RIN3: variants seen among roughly 807,000 people sequenced by gnomAD.
The protein encoded by RIN3 is RAB5 interacting protein 3.
In RIN3, 54 loss-of-function variants were observed where a neutral mutation model predicts 76.3. The observed-to-expected ratio is 0.71, with a 90% CI of 0.57 to 0.89. The LOEUF (loss-of-function observed/expected upper bound fraction) is 0.89. RIN3 is among the 40% of genes least tolerant of loss of function. The probability of loss-of-function intolerance (pLI) is 0.00; values close to 1 mark genes in which losing one functional copy is unlikely to be tolerated. For synonymous variants in RIN3, 576 were observed against 564.0 expected, an observed-to-expected ratio of 1.02 and a Z score of -0.30; for missense variants, 1,256 against 1,322.1, an observed-to-expected ratio of 0.95 and a Z score of 0.78.
chr14:92,677,937 AC>A (rs1888526265), intron 8 of RIN3, among the ~76,000 whole-genome samples: 1 of 147,854 alleles, frequency 6.8e-6, no homozygotes. Flanking sequence ...GCATCCATCT[AC>A]TCATCCAACC....
intron 1 of RIN3, among the ~76,000 whole-genome samples, chr14:92,547,870 A>AT (rs1035680163): frequency 6.6e-6 from 1 of 151,800 alleles, no homozygotes; most frequent in African/African-American, 2.4e-5. Context: ...TACCCAGCTA[A>AT]TTTTTTTATT....
In RIN3 at chr14:92,651,985, C is replaced by T. The variant is rs778960335; in HGVS notation, c.936C>T (p.Pro312=). 3 of 1,533,226 alleles carry T rather than the reference C, an allele frequency of 2.0e-6. No individual in the cohort carries two copies. Among genetic ancestry groups the T allele is most frequent in the Admixed American group, 3.6e-5 (2 of 56,106 alleles). 95.0% of individuals were successfully genotyped at this position (1,533,226 alleles called of 1,614,324 possible). The change falls in exon 6 of 10, where the codon CCC becomes CCT. Residue 312 remains proline (P), a synonymous_variant. Coordinates refer to ENST00000216487, the MANE Select transcript of RIN3 (RefSeq NM_024832.5). ...CCCCCGCCCCTGCCTGTCCTTTGCCCACCTCTCCCCCAGTGCCTGCCCCCC... is the reference window on the plus strand; with the variant it reads ...CCCCCGCCCCTGCCTGTCCTTTGCCTACCTCTCCCCCAGTGCCTGCCCCCC... ...ALAPAPACPL[P]TSPPVPAPHV...
chr14:92,609,311 G>A (rs1885637193), intron 3 of RIN3, among the ~76,000 whole-genome samples: 1 of 152,186 alleles, frequency 6.6e-6, no homozygotes, highest in Non-Finnish European at 1.5e-5. Flanking sequence ...TTGAGGGTGA[G>A]TCACTGGTGA....
At position 92,688,335 on chromosome 14, in the gene RIN3, C is replaced by A; in HGVS notation, c.*83C>A. On this transcript the variant is annotated 3_prime_UTR_variant, in exon 10 of 10. Coordinates refer to ENST00000216487, the MANE Select transcript of RIN3 (RefSeq NM_024832.5). The stretch of plus-strand genomic sequence containing the variant: ...TGCGCACTCCCGACCGCGACGTCCA[C>A]GCAGCAGAGGGACATGGGCCATTCC... 7.7e-7 allele frequency: 1 copy of A among 1,303,432 alleles called. No homozygotes were observed. The highest frequency in any genetic ancestry group is 1.0e-6 in the Non-Finnish European group (1 of 974,012). The allele number at this position is 1,303,432 out of a possible 1,614,324, so 80.7% of individuals were successfully genotyped here. A position where few individuals can be genotyped will look rare whatever the true frequency, so the allele number is the denominator to read the frequency against.
chr14:92,648,861 G>T lies in RIN3; in HGVS notation c.533-2721G>T, dbSNP rs555013739. 2.6e-5 allele frequency among the ~76,000 whole-genome samples: 4 copies of T among 152,346 alleles called. No individual in the cohort carries two copies. The East Asian group carries it at 7.7e-4, about 29-fold the overall frequency. ...AGGCGCTACCAGACAGGTCGCATTT[G>T]ACCTGAGCCCTGAAGGATGAGTAAG... is the stretch of plus-strand genomic sequence containing the variant. On this transcript the variant is annotated intron_variant, in intron 5 of 9. Transcript: ENST00000216487. The surrounding 1 kb of genome is among the most constrained non-coding windows in gnomAD (Gnocchi z 4.1).
At chr14:92,522,410 G>T (rs1470557872) in intron 1 of RIN3, among the ~76,000 whole-genome samples, 2 of 152,032 alleles carry the variant, frequency 1.3e-5, no homozygotes, top group African/African-American at 4.8e-5. Flanking sequence ...CCCAAAACAG[G>T]GAAATTTAAA....
intron 4 of RIN3, among the ~76,000 whole-genome samples, chr14:92,630,799 G>A (rs1886548618): frequency 6.6e-6 from 1 of 152,222 alleles, no homozygotes; most frequent in South Asian, 2.1e-4. Flanking sequence ...TCAGAAGTGA[G>A]ATGCTGTGGG....
intron 3 of RIN3, among the ~76,000 whole-genome samples, chr14:92,614,802 TA>T (rs199684666): frequency 0.2 from 25,778 of 127,710 alleles, 3,083 homozygotes; most frequent in African/African-American, 0.33. Context: ...AACCTCTTTA[TA>T]TATATATATA....
rs138313947 is a variant in RIN3, at chr14:92,651,785, G to A, written c.736G>A (p.Ala246Thr). ...NPIFIEDCSSALPTDQPPLGN... is the reference protein window; with the variant it reads ...NPIFIEDCSSTLPTDQPPLGN... Reference sequence around the variant, plus strand: ...TATTTTCATCGAGGACTGCAGCAGCGCCCTGCCCACCGACCAGCCACCTCT... The same window carrying A: ...TATTTTCATCGAGGACTGCAGCAGCACCCTGCCCACCGACCAGCCACCTCT... The change falls in exon 6 of 10, where the codon GCC becomes ACC. Residue 246 changes from alanine to threonine, a missense_variant. Around this residue, in one of 3 missense-constraint regions of RIN3, gnomAD observed 610 missense variants for 626.4 expected, o/e 0.97. Transcript: ENST00000216487. 2.0e-5 allele frequency: 32 copies of A among 1,613,770 alleles called. No homozygotes were observed. Among genetic ancestry groups the A allele is most frequent in the Admixed American group, 3.3e-5 (2 of 59,994 alleles).
Position 92,676,429 on chromosome 14 carries a change from A to G in RIN3, c.2336-46A>G, listed in dbSNP as rs1417044835. The G allele has an allele frequency of 1.9e-6, 3 of 1,602,162 alleles. No individual in the cohort carries two copies. The East Asian group carries it at 6.7e-5, about 36-fold the overall frequency. ...TACCCTGGGCAGAGAGCATCTCACAAGGAGAGCCTGGAACTCATCTCCCTC... is the reference window on the plus strand; with the variant it reads ...TACCCTGGGCAGAGAGCATCTCACAGGGAGAGCCTGGAACTCATCTCCCTC... On this transcript the variant is annotated intron_variant, in intron 7 of 9. Transcript: ENST00000216487.
intron 2 of RIN3, among the ~76,000 whole-genome samples, chr14:92,563,261 T>C (rs1366905702): frequency 2.0e-5 from 3 of 152,260 alleles, no homozygotes; most frequent in Admixed American, 6.5e-5. Flanking sequence ...CTTGGGAGGC[T>C]GAGGCAGGAG....
At chr14:92,535,702 T>G (rs1194097275) in intron 1 of RIN3, among the ~76,000 whole-genome samples, 4 of 139,028 alleles carry the variant, frequency 2.9e-5, no homozygotes, top group African/African-American at 5.4e-5. Flanking sequence ...TTAGACAGAG[T>G]CTTGCTCTGT....
At chr14:92,525,464 G>A (rs1376611876) in intron 1 of RIN3, among the ~76,000 whole-genome samples, 2 of 152,148 alleles carry the variant, frequency 1.3e-5, no homozygotes, top group African/African-American at 4.8e-5. Flanking sequence ...ATCTAGTGCA[G>A]GGCTCGGTAA....
chr14:92,607,001 A>G (rs764361917), intron 3 of RIN3, among the ~76,000 whole-genome samples: 9 of 152,242 alleles, frequency 5.9e-5, no homozygotes, highest in Non-Finnish European at 1.2e-4. Flanking sequence ...ATGTCCATCA[A>G]CTGATGAGTG....
At chr14:92,569,700 C>A (rs914468709) in intron 2 of RIN3, among the ~76,000 whole-genome samples, 3 of 151,882 alleles carry the variant, frequency 2.0e-5, no homozygotes, top group African/African-American at 7.3e-5. Flanking sequence ...TGATTCAATG[C>A]AGAGAAGCAT....
chr14:92,675,063 T>C (rs968146201), intron 7 of RIN3, among the ~76,000 whole-genome samples: 13 of 152,142 alleles, frequency 8.5e-5, no homozygotes, highest in African/African-American at 3.1e-4. Flanking sequence ...ATGTGAAAAT[T>C]TTCTTTTAGA....
At chr14:92,668,051 T>C (rs1888170025) in intron 7 of RIN3, among the ~76,000 whole-genome samples, 3 of 152,230 alleles carry the variant, frequency 2.0e-5, no homozygotes, top group Admixed American at 2.0e-4. Flanking sequence ...TAGCATTTAC[T>C]AGTCCATGCT....
intron 3 of RIN3, among the ~76,000 whole-genome samples, chr14:92,581,386 C>T (rs1158467589): frequency 6.6e-6 from 1 of 152,190 alleles, no homozygotes; most frequent in African/African-American, 2.4e-5. Context: ...AACCCAAGAG[C>T]CAGCTGTGCT....
rs144382174 is a variant in RIN3, at chr14:92,649,400, G to A, written c.533-2182G>A. Among the ~76,000 whole-genome samples the A allele has an allele frequency of 2.6e-3, 401 of 152,218 alleles. 1 individual carries two copies. Among genetic ancestry groups the A allele is most frequent in the African/African-American group, 9.4e-3 (390 of 41,522 alleles). Reference sequence around the variant, plus strand: ...CCAAGGAGGCAACTTTGTTGGGCCTGTGTAGACATGGGCACAGTGCTTCAA... The same window carrying A: ...CCAAGGAGGCAACTTTGTTGGGCCTATGTAGACATGGGCACAGTGCTTCAA... On this transcript the variant is annotated intron_variant, in intron 5 of 9. Transcript: ENST00000216487.
Sources: allele counts gnomAD v4.1 joint callset (sites outside exome capture counted in the v4.1 genomes callset), GRCh38; gene constraint gnomAD v4.1.1; regional missense constraint gnomAD v4.1.1; non-coding constraint Gnocchi (gnomAD v3.1); transcripts MANE v1.5; gene names NCBI Gene and HGNC (gene_info 2026-07-23, HGNC 2026-07-21).